The following SPATA24 variants were observed in gnomAD, a reference collection of about 807,000 sequenced individuals.
The protein encoded by SPATA24 is spermatogenesis-associated protein 24.
Under a neutral mutation model 28.9 loss-of-function variants are expected in SPATA24, and 21 were observed. The observed-to-expected ratio is 0.73, with a 90% CI of 0.52 to 1.05. The LOEUF is 1.05. SPATA24 is among the 50% of genes least tolerant of loss of function. The probability of loss-of-function intolerance (pLI) is 0.00; values close to 1 mark genes in which losing one functional copy is unlikely to be tolerated. For synonymous variants in SPATA24, 76 were observed against 89.9 expected, an observed-to-expected ratio of 0.85 and a Z score of 0.88; for missense variants, 215 against 242.9, an observed-to-expected ratio of 0.88 and a Z score of 0.76.
intron 4 of SPATA24, among the ~76,000 whole-genome samples, chr5:139,397,923 G>T (rs1758746036): frequency 1.3e-5 from 2 of 152,208 alleles, no homozygotes. Context: ...CTTCTCCGCT[G>T]CTGGGATGTA....
chr5:139,392,545 G>A (rs1488624840), downstream of SPATA24: 6 of 1,347,846 alleles, frequency 4.5e-6, no homozygotes, highest in South Asian at 1.9e-5. The surrounding 1 kb of genome is among the most constrained non-coding windows in gnomAD (Gnocchi z 5.8). Flanking sequence ...GGCTGGGGCC[G>A]TCCTGCCCGC....
At chr5:139,394,945 A>G (rs1320822128), downstream of SPATA24, 1 of 1,521,160 alleles carries the variant, frequency 6.6e-7, no homozygotes, top group Non-Finnish European at 8.8e-7. Context: ...GTCCGGCCCA[A>G]CGTCCGGGGG....
downstream of SPATA24, chr5:139,395,333 TGA>T (rs1758681765): frequency 1.5e-5 from 6 of 395,374 alleles, no homozygotes; most frequent in Non-Finnish European, 2.7e-5. Flanking sequence ...AAGCTTTGGC[TGA>T]CAGGCAGGTG....
chr5:139,396,741 A>C (rs549602558), downstream of SPATA24: 319 of 1,551,190 alleles, frequency 2.1e-4, no homozygotes, highest in African/African-American at 3.8e-3. Flanking sequence ...GGGGACTCCC[A>C]GAGCAGAGAA....
chr5:139,392,628 C>T (rs973406942), downstream of SPATA24: 50 of 1,381,802 alleles, frequency 3.6e-5, no homozygotes, highest in Non-Finnish European at 4.4e-5. The surrounding 1 kb of genome is among the most constrained non-coding windows in gnomAD (Gnocchi z 5.8). Flanking sequence ...GTGGTGTCTT[C>T]GGTTTGGGTG....
downstream of SPATA24, chr5:139,393,145 G>A: frequency 1.3e-6 from 2 of 1,543,890 alleles, no homozygotes; most frequent in South Asian, 1.2e-5. Context: ...AGGCAGCCCA[G>A]AGCCTTGTGC....
intron 4 of SPATA24, among the ~76,000 whole-genome samples, chr5:139,401,054 G>C (rs976321433): frequency 6.6e-6 from 1 of 152,158 alleles, no homozygotes; most frequent in African/African-American, 2.4e-5. Flanking sequence ...CTACTCGGGA[G>C]GCTGCGGCAG....
chr5:139,396,978 A>C lies in SPATA24; in HGVS notation c.489-49T>G, dbSNP rs1758723785. ...GGGCTGTGGACAGCCAAGGGTAGGTAGGGGCCAGAGGTCTGGCTCCCCAGT... is the reference window on the plus strand; with the variant it reads ...GGGCTGTGGACAGCCAAGGGTAGGTCGGGGCCAGAGGTCTGGCTCCCCAGT... On this transcript the variant is annotated intron_variant, in intron 5 of 5. Coordinates refer to ENST00000450845, the MANE Select transcript of SPATA24 (RefSeq NM_194296.2). The C allele has an allele frequency of 2.6e-6, 4 of 1,551,512 alleles. No homozygotes were observed. In the East Asian group the frequency reaches 9.8e-5, roughly 38 times the overall value.
chr5:139,393,479 G>C (rs553155136), downstream of SPATA24: 12 of 1,551,668 alleles, frequency 7.7e-6, no homozygotes, highest in Non-Finnish European at 9.6e-6. Context: ...TGAGCTTCCT[G>C]AGTAAATGCT....
In SPATA24 at chr5:139,402,030, G is replaced by A; in HGVS notation, c.199C>T (p.His67Tyr). The A allele has an allele frequency of 6.4e-7, 1 of 1,551,226 alleles. No homozygotes were observed. The highest frequency in any genetic ancestry group is 8.7e-7 in the Non-Finnish European group (1 of 1,146,920). Residue 67 changes from histidine (H) to tyrosine (Y), a missense_variant, in exon 3 of 6, where the codon CAT becomes TAT. Coordinates refer to ENST00000450845, the MANE Select transcript of SPATA24 (RefSeq NM_194296.2). ...GCCAGGAGGACCTTGGTTTTGGCAT[G>A]GGCAGCTTTCTCTTCCTGCAGGGGC... ...EKKLVEEKAA[H>Y]AKTKVLLAKE... is the part of the protein sequence containing the mutation.
chr5:139,394,841 G>C (rs1176137586), downstream of SPATA24: 2 of 1,531,468 alleles, frequency 1.3e-6, no homozygotes, highest in South Asian at 2.4e-5. Flanking sequence ...GGCCCGTGCC[G>C]CTGGCGGCTA....
At chr5:139,398,971 C>A (rs1758767351) in intron 4 of SPATA24, among the ~76,000 whole-genome samples, 1 of 110,268 alleles carries the variant, frequency 9.1e-6, no homozygotes, top group Admixed American at 8.9e-5. Flanking sequence ...TTGCAGTGAG[C>A]CGAGATCGTG....
In SPATA24 at chr5:139,402,706, C is replaced by G. The variant is rs1758852561; in HGVS notation, c.118-13G>C. On this transcript the variant is annotated splice_polypyrimidine_tract_variant and intron_variant, in intron 1 of 5. Transcript: ENST00000450845. ...CCTGGAGAACCATCTGCAACAGAGC[C>G]TGGCTGAGGGAGGGCCTGGGGCTGG... is the stretch of plus-strand genomic sequence containing the variant. 1 of 1,551,464 alleles carries G rather than the reference C, an allele frequency of 6.4e-7. No individual in the cohort carries two copies.
At chr5:139,402,715 G>C (rs963804714) in intron 1 of SPATA24, 22 bp from the exon 2 acceptor site, 2 of 1,549,958 alleles carry the variant, frequency 1.3e-6, no homozygotes, top group African/African-American at 2.7e-5. Context: ...CCTGGCTGAG[G>C]GAGGGCCTGG....
At chr5:139,398,738 A>G (rs1326428309) in intron 4 of SPATA24, among the ~76,000 whole-genome samples, 2 of 151,944 alleles carry the variant, frequency 1.3e-5, no homozygotes, top group Non-Finnish European at 2.9e-5. Context: ...AAGGTTGGAC[A>G]AGGGGCCAGG....
At chr5:139,400,337 A>G (rs1212018568) in intron 4 of SPATA24, among the ~76,000 whole-genome samples, 1 of 119,422 alleles carries the variant, frequency 8.4e-6, no homozygotes, top group African/African-American at 3.2e-5. Flanking sequence ...ACAGAGTTTC[A>G]CTTTTGTTGC....
rs188698511 is a variant in SPATA24, at chr5:139,403,756, A to C, written c.117+188T>G. 3.7e-4 allele frequency among the ~76,000 whole-genome samples: 56 copies of C among 152,298 alleles called. No individual in the cohort carries two copies. The East Asian group carries it at 0.01, about 27-fold the overall frequency. Reference sequence around the variant, plus strand: ...GGAGAATATGGCTTGATTTTAGTTAAAATTCCCTGGTTCAGGAAGGTCCGC... The same window carrying C: ...GGAGAATATGGCTTGATTTTAGTTACAATTCCCTGGTTCAGGAAGGTCCGC... On this transcript the variant is annotated intron_variant, in intron 1 of 5. Transcript: ENST00000450845.
At chr5:139,402,227 T>A (rs976697558) in intron 2 of SPATA24, among the ~76,000 whole-genome samples, 182 bp from the exon 3 acceptor site, 5 of 151,360 alleles carry the variant, frequency 3.3e-5, no homozygotes, top group Non-Finnish European at 7.4e-5. Context: ...TTTTCTTTTT[T>A]TTTTTAGACA....
At chr5:139,394,542 A>G (rs142054513), downstream of SPATA24, 2,176 of 1,489,424 alleles carry the variant, frequency 1.5e-3, 3 homozygotes, top group Non-Finnish European at 1.8e-3. Context: ...CTGGGGCGGC[A>G]GGACTTGGCC....
Sources: gnomAD v4.1 joint callset for allele counts (sites outside exome capture counted in the v4.1 genomes callset) on GRCh38, gnomAD v4.1.1 for gene constraint, Gnocchi (gnomAD v3.1) non-coding constraint, MANE v1.5 for transcripts, NCBI Gene and HGNC (gene_info 2026-07-23, HGNC 2026-07-21) for gene names.